The following CCDC91 variants were observed in gnomAD, a reference collection of about 807,000 sequenced individuals.
CCDC91 encodes the protein coiled-coil domain-containing protein 91.
Under a neutral mutation model 63.2 loss-of-function variants are expected in CCDC91, and 48 were observed. That is an observed-to-expected ratio of 0.76 (90% confidence interval 0.60 to 0.97). The LOEUF is 0.97. Among genes scored for constraint, CCDC91 ranks in the 50% least tolerant of loss-of-function variants. The pLI is 0.00. For synonymous variants in CCDC91, 167 were observed against 165.8 expected, an observed-to-expected ratio of 1.01 and a Z score of -0.06; for missense variants, 500 against 494.6, an observed-to-expected ratio of 1.01 and a Z score of -0.10.
intron 12 of CCDC91, 191 bp downstream of exon 12, chr12:28,484,356 C>T: frequency 3.2e-6 from 1 of 309,586 alleles, no homozygotes; most frequent in Non-Finnish European, 6.0e-6. Context: ...TCCCATCTGT[C>T]AGCAAAAACA....
chr12:28,243,792 AAAGCAACAAGCCC>A (rs1293338646), intron 1 of CCDC91, among the ~76,000 whole-genome samples: 1 of 152,340 alleles, frequency 6.6e-6, no homozygotes, highest in Non-Finnish European at 1.5e-5. Flanking sequence ...TCCCACAAAG[AAAGCAACAAGCCC>A]AAGTGATTTG....
At chr12:28,222,657 A>C (rs1463295391) in intron 1 of CCDC91, among the ~76,000 whole-genome samples, 1 of 152,204 alleles carries the variant, frequency 6.6e-6, no homozygotes, top group Non-Finnish European at 1.5e-5. Context: ...TTGGTTAGTT[A>C]GAGATCCTCA....
At chr12:28,294,253 CAG>C (rs1330545516) in intron 3 of CCDC91, among the ~76,000 whole-genome samples, 6 of 152,124 alleles carry the variant, frequency 3.9e-5, no homozygotes, top group Non-Finnish European at 8.8e-5. Context: ...TTTCACTTAA[CAG>C]AAATTTGAGC....
intron 12 of CCDC91, among the ~76,000 whole-genome samples, chr12:28,534,866 A>T (rs1942027005): frequency 6.6e-6 from 1 of 152,234 alleles, no homozygotes; most frequent in South Asian, 2.1e-4. Context: ...TCTATCATTT[A>T]ACCAACCCAG....
At chr12:28,421,538 CTCTT>C (rs773486088) in intron 8 of CCDC91, among the ~76,000 whole-genome samples, 9 of 143,466 alleles carry the variant, frequency 6.3e-5, no homozygotes, top group East Asian at 2.6e-4. Context: ...AGGATGTGAT[CTCTT>C]TCTTTTTTTT....
At chr12:28,538,596 A>G (rs1436207245) in intron 12 of CCDC91, among the ~76,000 whole-genome samples, 1 of 152,094 alleles carries the variant, frequency 6.6e-6, no homozygotes, top group Non-Finnish European at 1.5e-5. Context: ...TAGCAGCATG[A>G]TTTATAATCG....
intron 12 of CCDC91, among the ~76,000 whole-genome samples, chr12:28,544,798 A>T (rs532624098): frequency 2.0e-5 from 3 of 152,094 alleles, no homozygotes; most frequent in African/African-American, 7.2e-5. Flanking sequence ...ATGACTGGCA[A>T]ATAAAAAGCT....
chr12:28,441,710 A>G (rs1949228657), intron 8 of CCDC91, among the ~76,000 whole-genome samples: 1 of 44,186 alleles, frequency 2.3e-5, no homozygotes. Flanking sequence ...TCTCTCATAT[A>G]TATATCTCAT....
At chr12:28,541,912 T>G (rs567492337) in intron 12 of CCDC91, among the ~76,000 whole-genome samples, 1 of 152,244 alleles carries the variant, frequency 6.6e-6, no homozygotes, top group Non-Finnish European at 1.5e-5. Flanking sequence ...AAATATAGCC[T>G]TATGGATCAG....
chr12:28,488,346 G>A (rs1951829059), intron 12 of CCDC91, among the ~76,000 whole-genome samples: 1 of 151,670 alleles, frequency 6.6e-6, no homozygotes, highest in Non-Finnish European at 1.5e-5. Flanking sequence ...TATTTACTAA[G>A]TCAGATACAT....
At chr12:28,454,391 C>T (rs1416384394) in intron 11 of CCDC91, among the ~76,000 whole-genome samples, 1 of 152,052 alleles carries the variant, frequency 6.6e-6, no homozygotes, top group Non-Finnish European at 1.5e-5. Flanking sequence ...TTGTTGGCAC[C>T]GCATAGCTGT....
intron 8 of CCDC91, among the ~76,000 whole-genome samples, chr12:28,394,478 A>G (rs889528280): frequency 7.3e-6 from 1 of 136,062 alleles, no homozygotes; most frequent in Non-Finnish European, 1.6e-5. Flanking sequence ...ACAAACAAAC[A>G]AAAAAAAAAC....
chr12:28,529,746 A>G (rs1416009808), intron 12 of CCDC91, among the ~76,000 whole-genome samples: 1 of 152,196 alleles, frequency 6.6e-6, no homozygotes, highest in Non-Finnish European at 1.5e-5. Flanking sequence ...TGGTTTGTTG[A>G]AATAAAACTA....
intron 8 of CCDC91, among the ~76,000 whole-genome samples, chr12:28,411,741 A>C (rs1947330464): frequency 6.6e-6 from 1 of 152,232 alleles, no homozygotes; most frequent in African/African-American, 2.4e-5. Flanking sequence ...GTGACATTGT[A>C]TAAATGTCAT....
intron 8 of CCDC91, among the ~76,000 whole-genome samples, chr12:28,447,950 ATAG>A (rs1296898016): frequency 6.6e-6 from 1 of 151,978 alleles, no homozygotes; most frequent in African/African-American, 2.4e-5. Context: ...TATTTTAATA[ATAG>A]TAGTAGTCTG....
chr12:28,516,643 T>C lies in CCDC91; in HGVS notation c.1216-32420T>C, dbSNP rs548967747. Among the ~76,000 whole-genome samples the C allele has an allele frequency of 2.6e-5, 4 of 151,876 alleles. No individual in the cohort carries two copies. The South Asian group carries it at 8.3e-4, about 32-fold the overall frequency. ...GAAAAAGAAATTTATTTTCTCACAG[T>C]CTCACAGTTCTATTGGTGAGGAAGT... On this transcript the variant is annotated intron_variant, in intron 12 of 12. Coordinates refer to ENST00000536442, the MANE Select transcript of CCDC91 (RefSeq NM_018318.5).
intron 6 of CCDC91, among the ~76,000 whole-genome samples, chr12:28,308,769 C>A (rs567723625): frequency 1.3e-5 from 2 of 152,070 alleles, no homozygotes; most frequent in Admixed American, 6.6e-5. Context: ...TATTTTTATT[C>A]CTAGCACCTT....
chr12:28,390,088 C>T (rs866759376), intron 7 of CCDC91, among the ~76,000 whole-genome samples: 58 of 152,048 alleles, frequency 3.8e-4, no homozygotes, highest in Admixed American at 1.4e-3. Flanking sequence ...TTCATAGTGA[C>T]GAATACTGAA....
chr12:28,323,906 G>C (rs562617532), intron 6 of CCDC91, among the ~76,000 whole-genome samples: 2 of 151,910 alleles, frequency 1.3e-5, no homozygotes, highest in Non-Finnish European at 2.9e-5. Flanking sequence ...AGCATAGGAT[G>C]TGAGGGGAAG....
Sources: allele counts gnomAD v4.1 joint callset (sites outside exome capture counted in the v4.1 genomes callset), GRCh38; gene constraint gnomAD v4.1.1; transcripts MANE v1.5; gene names NCBI Gene and HGNC (gene_info 2026-07-23, HGNC 2026-07-21).